CMSS1: variants seen among roughly 807,000 people sequenced by gnomAD.
CMSS1 encodes the protein protein CMSS1.
A neutral mutation model predicts 43.5 loss-of-function variants in CMSS1; 33 were observed. The ratio of observed to expected loss-of-function variants is 0.76; its 90% CI spans 0.57 to 1.01. The LOEUF is 1.01. CMSS1 is among the 50% of genes least tolerant of loss of function. The pLI is 0.00. For synonymous variants in CMSS1, 115 were observed against 117.2 expected (o/e 0.98, Z 0.12); for missense variants, 313 against 326.4 (o/e 0.96, Z 0.32).
chr3:100,131,992 A>G (rs1213576065), intron 1 of CMSS1, among the ~76,000 whole-genome samples: 4 of 152,242 alleles, frequency 2.6e-5, no homozygotes, highest in Non-Finnish European at 4.4e-5. Flanking sequence ...TAGATTATGT[A>G]CTTTGAAATA....
At chr3:100,136,010 A>T (rs1335107584) in intron 1 of CMSS1, among the ~76,000 whole-genome samples, 1 of 152,160 alleles carries the variant, frequency 6.6e-6, no homozygotes, top group Non-Finnish European at 1.5e-5. Context: ...GCATTATTGG[A>T]ATGTACATCA....
chr3:100,062,488 T>G (rs2065590760), intron 1 of CMSS1, among the ~76,000 whole-genome samples: 1 of 152,158 alleles, frequency 6.6e-6, no homozygotes, highest in South Asian at 2.1e-4. Flanking sequence ...TCCTCTGTGT[T>G]ATGCATGCCT....
At chr3:99,899,373 AC>A (rs201179226) in intron 1 of CMSS1, among the ~76,000 whole-genome samples, 1,718 of 152,332 alleles carry the variant, frequency 0.011, 18 homozygotes, top group African/African-American at 0.025. Flanking sequence ...AATGAGCATA[AC>A]TAATGCACTA....
chr3:99,824,454 C>T (rs1942499374), intron 1 of CMSS1, among the ~76,000 whole-genome samples: 1 of 152,198 alleles, frequency 6.6e-6, no homozygotes, highest in South Asian at 2.1e-4. Context: ...TCCATGTGAG[C>T]AGGTATTTTG....
chr3:100,142,295 A>C (rs2066811788), intron 1 of CMSS1, among the ~76,000 whole-genome samples: 1 of 152,184 alleles, frequency 6.6e-6, no homozygotes, highest in African/African-American at 2.4e-5. Flanking sequence ...CCACAGATCA[A>C]AAATATTTGA....
intron 1 of CMSS1, among the ~76,000 whole-genome samples, chr3:100,002,463 C>A (rs1187790824): frequency 6.6e-6 from 1 of 152,158 alleles, no homozygotes; most frequent in Non-Finnish European, 1.5e-5. Flanking sequence ...TTTCTGCCTG[C>A]CACTGCTTAC....
intron 1 of CMSS1, among the ~76,000 whole-genome samples, chr3:100,097,694 A>C (rs185565679): frequency 6.6e-6 from 1 of 152,340 alleles, no homozygotes; most frequent in East Asian, 1.9e-4. Context: ...GGTTATTTTC[A>C]GCACCATTAA....
At chr3:99,913,951 A>G (rs1223364132) in intron 1 of CMSS1, among the ~76,000 whole-genome samples, 2 of 152,198 alleles carry the variant, frequency 1.3e-5, no homozygotes, top group African/African-American at 2.4e-5. Flanking sequence ...AATGGAGTGT[A>G]TGTGTATGAT....
At chr3:99,966,755 C>T (rs879479280) in intron 1 of CMSS1, among the ~76,000 whole-genome samples, 1 of 152,148 alleles carries the variant, frequency 6.6e-6, no homozygotes, top group Non-Finnish European at 1.5e-5. Flanking sequence ...ATTTGGTGAG[C>T]AGGATCTCTG....
intron 1 of CMSS1, among the ~76,000 whole-genome samples, chr3:99,925,082 G>A (rs1441937981): frequency 6.6e-6 from 1 of 152,168 alleles, no homozygotes; most frequent in Non-Finnish European, 1.5e-5. Flanking sequence ...TGCCCTAGCT[G>A]ATCTCTTCTG....
At chr3:99,852,346 A>G (rs1248385149) in intron 1 of CMSS1, among the ~76,000 whole-genome samples, 1 of 152,220 alleles carries the variant, frequency 6.6e-6, no homozygotes, top group Non-Finnish European at 1.5e-5. Context: ...TATCTTTTCT[A>G]TTAGGAATGA....
intron 1 of CMSS1, among the ~76,000 whole-genome samples, chr3:100,071,823 G>A (rs1277761367): frequency 6.6e-6 from 1 of 152,042 alleles, no homozygotes; most frequent in Non-Finnish European, 1.5e-5. Context: ...AGCTCTCAAG[G>A]CTTACACTTA....
At chr3:99,955,236 A>G (rs1708288040) in intron 1 of CMSS1, among the ~76,000 whole-genome samples, 1 of 152,214 alleles carries the variant, frequency 6.6e-6, no homozygotes, top group Non-Finnish European at 1.5e-5. Flanking sequence ...ATAAAGTGGC[A>G]TGCTCACACA....
rs9883235 is a variant in CMSS1, at chr3:99,902,806, A to G, written c.64+84763A>G. ...TTAACAGAATTTGGAGGTTACACAG[A>G]CAGAATGGTAATGGGGTAACTTCCA... On this transcript the variant is annotated intron_variant, in intron 1 of 9. Transcript: ENST00000421999. Among the ~76,000 whole-genome samples the G allele has an allele frequency of 5.0e-3, 765 of 152,312 alleles. 6 individuals are homozygous for G. The highest frequency in any genetic ancestry group is 0.017 in the African/African-American group (722 of 41,568).
Position 100,023,577 on chromosome 3 carries a change from C to T in CMSS1, c.65-123396C>T, listed in dbSNP as rs914674740. 4 of 152,592 alleles carry T rather than the reference C, an allele frequency of 2.6e-5. No individual in the cohort carries two copies. In the South Asian group the frequency reaches 8.3e-4, roughly 32 times the overall value. 9.5% of individuals were successfully genotyped at this position (152,592 alleles called of 1,614,324 possible). On this transcript the variant is annotated intron_variant, in intron 1 of 9. Transcript: ENST00000421999. ...TGGGGGGAGAGAACATTTTTGTAAA[C>T]AGATCTGGCTTTTATTTTTGCTTGG...
intron 1 of CMSS1, among the ~76,000 whole-genome samples, chr3:100,002,794 A>G (rs1365360547): frequency 6.6e-6 from 1 of 152,146 alleles, no homozygotes; most frequent in African/African-American, 2.4e-5. Flanking sequence ...CTTGATCTCT[A>G]GTTATACATC....
At chr3:99,903,586 A>G (rs747565427) in intron 1 of CMSS1, among the ~76,000 whole-genome samples, 5 of 152,108 alleles carry the variant, frequency 3.3e-5, no homozygotes, top group Non-Finnish European at 7.4e-5. Flanking sequence ...CATATGGGTT[A>G]GGTGGACCAA....
chr3:99,836,785 G>A (rs902818544), intron 1 of CMSS1, among the ~76,000 whole-genome samples: 5 of 152,184 alleles, frequency 3.3e-5, no homozygotes, highest in African/African-American at 9.7e-5. Context: ...GGCTTGCTAG[G>A]GGAAAGGAAA....
intron 1 of CMSS1, among the ~76,000 whole-genome samples, chr3:100,088,049 A>C (rs1244753433): frequency 6.6e-6 from 1 of 151,988 alleles, no homozygotes. Flanking sequence ...CAGGCTGGTC[A>C]GGAACTCCTG....
Sources: allele counts gnomAD v4.1 joint callset (sites outside exome capture counted in the v4.1 genomes callset), GRCh38; gene constraint gnomAD v4.1.1; transcripts MANE v1.5; gene names NCBI Gene and HGNC (gene_info 2026-07-23, HGNC 2026-07-21).